Variants in RPIA observed in about 807,000 individuals in gnomAD.
The protein encoded by RPIA is ribose-5-phosphate isomerase.
A neutral mutation model predicts 37.8 loss-of-function variants in RPIA; 29 were observed. That is an observed-to-expected ratio of 0.77 (90% CI 0.57 to 1.05). The LOEUF is 1.05. RPIA is among the 50% of genes least tolerant of loss of function. The pLI, the probability that RPIA is intolerant of heterozygous loss-of-function variation, is 0.00. For synonymous variants in RPIA, 167 were observed against 157.0 expected, an observed-to-expected ratio of 1.06 and a Z score of -0.48; for missense variants, 385 against 413.6, an observed-to-expected ratio of 0.93 and a Z score of 0.60.
At chr2:88,733,531 G>T (rs1673277747) in intron 4 of RPIA, among the ~76,000 whole-genome samples, 1 of 152,152 alleles carries the variant, frequency 6.6e-6, no homozygotes, top group African/African-American at 2.4e-5. Context: ...AGACAGAAAA[G>T]GTTGCCACTT....
chr2:88,696,072 G>A (rs1356190157), intron 1 of RPIA, among the ~76,000 whole-genome samples: 1 of 152,074 alleles, frequency 6.6e-6, no homozygotes, highest in African/African-American at 2.4e-5. Context: ...TTTGTCCTGT[G>A]GGGAATGAAG....
chr2:88,743,682 A>C (rs1673408474), intron 8 of RPIA, among the ~76,000 whole-genome samples: 1 of 151,588 alleles, frequency 6.6e-6, no homozygotes, highest in Non-Finnish European at 1.5e-5. Flanking sequence ...TTTTGTTGGC[A>C]GTTTTTTTAA....
intron 8 of RPIA, among the ~76,000 whole-genome samples, chr2:88,742,634 G>A (rs1673396572): frequency 6.6e-6 from 1 of 152,140 alleles, no homozygotes; most frequent in Non-Finnish European, 1.5e-5. Context: ...GAATGCGTTT[G>A]GCAGTATATG....
intron 3 of RPIA, among the ~76,000 whole-genome samples, chr2:88,725,845 C>T (rs1274806714): frequency 6.6e-6 from 1 of 152,142 alleles, no homozygotes; most frequent in Non-Finnish European, 1.5e-5. Context: ...AGGCAAGTCA[C>T]AGGTTGGGAG....
chr2:88,713,120 A>ATTTTTTTT (rs1553420200), intron 3 of RPIA, among the ~76,000 whole-genome samples: 1 of 65,278 alleles, frequency 1.5e-5, no homozygotes, highest in Non-Finnish European at 2.5e-5. Context: ...ATATATATAT[A>ATTTTTTTT]TTTTTTTTTT....
intron 3 of RPIA, among the ~76,000 whole-genome samples, chr2:88,716,156 C>G (rs535087289): frequency 7.2e-5 from 11 of 152,226 alleles, no homozygotes; most frequent in African/African-American, 2.6e-4. Flanking sequence ...CTGAGCTAGA[C>G]TAAATTGTGT....
chr2:88,723,121 A>C (rs1673154570), intron 3 of RPIA, among the ~76,000 whole-genome samples: 1 of 152,200 alleles, frequency 6.6e-6, no homozygotes, highest in South Asian at 2.1e-4. Context: ...AGTTGGTCAA[A>C]TCTGTTGGGA....
intron 3 of RPIA, among the ~76,000 whole-genome samples, chr2:88,720,808 A>T (rs546095877): frequency 9.3e-4 from 142 of 152,194 alleles, no homozygotes; most frequent in South Asian, 1.9e-3. Context: ...ACAGTGTGGC[A>T]ATTCCTCAAG....
intron 4 of RPIA, among the ~76,000 whole-genome samples, chr2:88,733,126 A>T (rs945645101): frequency 6.6e-6 from 1 of 152,170 alleles, no homozygotes; most frequent in African/African-American, 2.4e-5. Flanking sequence ...GAATTGGGCT[A>T]TAAAGGCCAG....
rs1332257847 is a variant in RPIA at position 88,750,745 on chromosome 2, A to G, written c.*667A>G. The stretch of plus-strand genomic sequence containing the variant: ...TGCTGTTGGAAGCAGTTGACCAGAA[A>G]TGCTTGCCAGTACTGCCAAAGCACT... On this transcript the variant is annotated 3_prime_UTR_variant, in exon 9 of 9. Transcript: ENST00000283646. 3 of 398,756 alleles carry G rather than the reference A, an allele frequency of 7.5e-6. No homozygotes were observed. The highest frequency in any genetic ancestry group is 2.5e-4 in the South Asian group (2 of 7,862). The allele number at this position is 398,756 out of a possible 1,614,324, so 24.7% of individuals were successfully genotyped here.
Position 88,691,741 on chromosome 2 carries a change from T to C in RPIA, c.43T>C (p.Leu15=). ...GPFSTLYGRV[L]APLPGRAGGA... is the part of the protein sequence containing the mutation. ...CTTCAGCACCCTCTACGGGCGGGTC[T>C]TGGCCCCGCTGCCCGGGAGGGCCGG... The change falls in exon 1 of 9, where the codon TTG becomes CTG. Residue 15 remains leucine (L), a synonymous_variant. Transcript: ENST00000283646. The C allele has an allele frequency of 6.3e-7, 1 of 1,595,726 alleles. No individual in the cohort carries two copies.
At chr2:88,723,139 T>C (rs1032532048) in intron 3 of RPIA, among the ~76,000 whole-genome samples, 2 of 152,140 alleles carry the variant, frequency 1.3e-5, no homozygotes, top group African/African-American at 2.4e-5. Context: ...GGAGAAAGAC[T>C]GCAAAAAACA....
At chr2:88,694,654 C>T (rs527433533) in intron 1 of RPIA, among the ~76,000 whole-genome samples, 7 of 152,284 alleles carry the variant, frequency 4.6e-5, no homozygotes, top group African/African-American at 1.7e-4. Flanking sequence ...AACAGAATCT[C>T]CCTCTCTTAC....
chr2:88,695,227 C>A (rs1298797669), intron 1 of RPIA, among the ~76,000 whole-genome samples: 1 of 152,096 alleles, frequency 6.6e-6, no homozygotes, highest in East Asian at 1.9e-4. Flanking sequence ...TTAATCAAAC[C>A]CAAAGAGAGT....
chr2:88,699,936 G>C (rs959397313), intron 2 of RPIA, 73 bp from the exon 3 acceptor site: 1 of 1,516,556 alleles, frequency 6.6e-7, no homozygotes, highest in Non-Finnish European at 9.2e-7. Context: ...TGTTGGTTTC[G>C]AGCAAACACA....
intron 8 of RPIA, among the ~76,000 whole-genome samples, chr2:88,739,891 G>A (rs1673362357): frequency 6.6e-6 from 1 of 152,180 alleles, no homozygotes; most frequent in Non-Finnish European, 1.5e-5. Flanking sequence ...TCACAGGTGT[G>A]AACCGCTGTG....
intron 8 of RPIA, among the ~76,000 whole-genome samples, chr2:88,743,676 G>A (rs1196541735): frequency 2.0e-5 from 3 of 151,826 alleles, no homozygotes; most frequent in Admixed American, 1.3e-4. Context: ...GACTTTTTTT[G>A]TTGGCAGTTT....
chr2:88,735,511 A>C (rs1673304224), intron 5 of RPIA, among the ~76,000 whole-genome samples, 158 bp from the exon 6 acceptor site: 1 of 152,200 alleles, frequency 6.6e-6, no homozygotes, highest in African/African-American at 2.4e-5. Flanking sequence ...ATTTACTAGG[A>C]GCAGCATGAT....
At chr2:88,692,662 G>C (rs1165141329) in intron 1 of RPIA, among the ~76,000 whole-genome samples, 2 of 152,200 alleles carry the variant, frequency 1.3e-5, no homozygotes, top group African/African-American at 4.8e-5. Context: ...TTTAATCCAA[G>C]TGGTTTTGCT....
Sources: allele counts gnomAD v4.1 joint callset (sites outside exome capture counted in the v4.1 genomes callset), GRCh38; gene constraint gnomAD v4.1.1; transcripts MANE v1.5; gene names NCBI Gene and HGNC (gene_info 2026-07-23, HGNC 2026-07-21).